The following TRHDE variants were observed in gnomAD, a reference collection of about 807,000 sequenced individuals.
TRHDE encodes the protein thyrotropin-releasing hormone-degrading ectoenzyme.
Under a neutral mutation model 125.7 loss-of-function variants are expected in TRHDE, and 72 were observed. The ratio of observed to expected loss-of-function variants is 0.57; its 90% CI spans 0.47 to 0.70. The LOEUF is 0.70. Among genes scored for constraint, TRHDE ranks in the 30% least tolerant of loss-of-function variants. The pLI, the probability that TRHDE is intolerant of heterozygous loss-of-function variation, is 0.00. For synonymous variants in TRHDE, 509 were observed against 509.1 expected, an observed-to-expected ratio of 1.00 and a Z score of 0.00; for missense variants, 1,110 against 1,327.1, an observed-to-expected ratio of 0.84 and a Z score of 2.54.
intron 6 of TRHDE, among the ~76,000 whole-genome samples, chr12:72,527,048 C>T (rs2135969560): frequency 6.6e-6 from 1 of 152,230 alleles, no homozygotes; most frequent in East Asian, 1.9e-4. Flanking sequence ...GTCTTTGTCT[C>T]AAATAATGCT....
At chr12:72,255,814 C>A in intron 2 of TRHDE, 1 of 152,292 alleles carries the variant, frequency 6.6e-6, no homozygotes, top group Non-Finnish European at 1.5e-5. Flanking sequence ...GGGTCCAGGG[C>A]CATTCAGGGA....
chr12:72,495,060 G>GTTTTTTTTTTTTTTTTTTTT (rs751243542), intron 5 of TRHDE, among the ~76,000 whole-genome samples: 2 of 58,388 alleles, frequency 3.4e-5, no homozygotes, highest in African/African-American at 1.5e-4. Context: ...TTCCTCCCCC[G>GTTTTTTTTTTTTTTTTTTTT]TTTTTTTTTT....
At chr12:72,313,429 G>T (rs902442824) in intron 2 of TRHDE, among the ~76,000 whole-genome samples, 1 of 151,808 alleles carries the variant, frequency 6.6e-6, no homozygotes, top group African/African-American at 2.4e-5. Flanking sequence ...TTTTAAAAGC[G>T]TTCTGTTATG....
chr12:72,580,793 G>C (rs922150088), intron 12 of TRHDE, among the ~76,000 whole-genome samples: 1 of 152,040 alleles, frequency 6.6e-6, no homozygotes, highest in African/African-American at 2.4e-5. Context: ...GTTATATTGG[G>C]GGATATAAAA....
chr12:72,217,442 C>T (rs1282891657), intron 2 of TRHDE, among the ~76,000 whole-genome samples: 2 of 152,122 alleles, frequency 1.3e-5, no homozygotes, highest in Admixed American at 1.3e-4. Context: ...AGATCATTTA[C>T]TATATTTGGA....
chr12:72,321,745 A>G (rs1869105648), intron 2 of TRHDE, among the ~76,000 whole-genome samples: 1 of 152,208 alleles, frequency 6.6e-6, no homozygotes, highest in Admixed American at 6.5e-5. Context: ...TGCAAGGTTA[A>G]TATAGTTGTA....
At chr12:72,468,661 T>G (rs931986867) in intron 3 of TRHDE, among the ~76,000 whole-genome samples, 1 of 152,226 alleles carries the variant, frequency 6.6e-6, no homozygotes, top group African/African-American at 2.4e-5. Flanking sequence ...CAACCTGTTT[T>G]CATGAGCATG....
intron 3 of TRHDE, among the ~76,000 whole-genome samples, chr12:72,390,690 G>GATTGAT (rs1180756910): frequency 3.9e-5 from 6 of 152,210 alleles, no homozygotes; most frequent in African/African-American, 1.4e-4. Flanking sequence ...CCTTACCATT[G>GATTGAT]TAAAGACACT....
At chr12:72,314,076 T>C (rs552109034) in intron 2 of TRHDE, among the ~76,000 whole-genome samples, 21 of 152,298 alleles carry the variant, frequency 1.4e-4, no homozygotes, top group African/African-American at 4.6e-4. Flanking sequence ...AGGGGTCTCA[T>C]GTCTTTTGTC....
At chr12:72,206,242 T>C (rs968321687) in intron 2 of TRHDE, among the ~76,000 whole-genome samples, 1 of 151,876 alleles carries the variant, frequency 6.6e-6, no homozygotes, top group African/African-American at 2.4e-5. Flanking sequence ...ATTACTGGGA[T>C]TACAGCCTTC....
chr12:72,108,070 A>G (rs577873876), intron 2 of TRHDE, among the ~76,000 whole-genome samples: 12 of 152,228 alleles, frequency 7.9e-5, no homozygotes, highest in African/African-American at 2.6e-4. Context: ...TGCTAGGGAC[A>G]GCCAGGAGAA....
intron 3 of TRHDE, among the ~76,000 whole-genome samples, chr12:72,383,721 T>G (rs1488494853): frequency 1.3e-5 from 2 of 151,422 alleles, no homozygotes; most frequent in Admixed American, 6.6e-5. Flanking sequence ...ATTTCTGTTT[T>G]TTTTTTTTTT....
At chr12:72,301,623 A>G (rs1425948309) in intron 2 of TRHDE, among the ~76,000 whole-genome samples, 1 of 152,196 alleles carries the variant, frequency 6.6e-6, no homozygotes, top group East Asian at 1.9e-4. Flanking sequence ...AAGTTTCTTA[A>G]CTAGATTTGT....
chr12:72,095,547 G>A (rs111396050), intron 1 of TRHDE, among the ~76,000 whole-genome samples: 2 of 152,146 alleles, frequency 1.3e-5, no homozygotes, highest in Non-Finnish European at 2.9e-5. Context: ...GGTTAAGTTA[G>A]CACCAAATCT....
chr12:72,554,447 G>C (rs1325225845), intron 7 of TRHDE, among the ~76,000 whole-genome samples: 2 of 152,162 alleles, frequency 1.3e-5, no homozygotes, highest in Admixed American at 6.5e-5. Flanking sequence ...GTAGGAATCA[G>C]CATGGGTTAA....
At chr12:72,308,989 A>G (rs764536207) in intron 2 of TRHDE, among the ~76,000 whole-genome samples, 1 of 151,886 alleles carries the variant, frequency 6.6e-6, no homozygotes, top group Non-Finnish European at 1.5e-5. Context: ...CTTTGAGTTT[A>G]TTTTTTAATT....
chr12:72,293,631 A>T (rs1281729412), intron 2 of TRHDE, among the ~76,000 whole-genome samples: 1 of 152,212 alleles, frequency 6.6e-6, no homozygotes, highest in Non-Finnish European at 1.5e-5. Flanking sequence ...TCCCAAACTC[A>T]TAGGGAGTGA....
intron 2 of TRHDE, among the ~76,000 whole-genome samples, chr12:72,337,915 A>C (rs186984084): frequency 2.1e-3 from 321 of 152,206 alleles, no homozygotes; most frequent in African/African-American, 7.5e-3. Flanking sequence ...ACGTAGTACT[A>C]GCAACACTTT....
intron 2 of TRHDE, among the ~76,000 whole-genome samples, chr12:72,191,330 C>G (rs1015242863): frequency 6.6e-6 from 1 of 152,132 alleles, no homozygotes; most frequent in African/African-American, 2.4e-5. Flanking sequence ...GACAGCAGCT[C>G]TCATAGCATC....
Sources: gnomAD v4.1 joint callset for allele counts (sites outside exome capture counted in the v4.1 genomes callset) on GRCh38, gnomAD v4.1.1 for gene constraint, MANE v1.5 for transcripts, NCBI Gene and HGNC (gene_info 2026-07-23, HGNC 2026-07-21) for gene names.